The following IMPG1 variants were observed in gnomAD, a reference collection of about 807,000 sequenced individuals.
IMPG1 encodes the protein interphotoreceptor matrix proteoglycan of 150 kDa.
A neutral mutation model predicts 92.0 loss-of-function variants in IMPG1; 85 were observed. That is an observed-to-expected ratio of 0.92 (90% confidence interval 0.78 to 1.11). The LOEUF is 1.11. IMPG1 is among the 50% of genes least tolerant of loss of function. The pLI, the probability that IMPG1 is intolerant of heterozygous loss-of-function variation, is 0.00. For missense variants in IMPG1, 1,022 were observed against 956.0 expected, an observed-to-expected ratio of 1.07 and a Z score of -0.91; for synonymous variants, 367 against 334.1, an observed-to-expected ratio of 1.10 and a Z score of -1.08.
chr6:76,003,924 C>T lies in IMPG1; in HGVS notation c.1162G>A (p.Gly388Ser). 6.2e-7 allele frequency: 1 copy of T among 1,612,996 alleles called. No individual in the cohort carries two copies. The stretch of plus-strand genomic sequence containing the variant: ...GGCAGCTCTGATTGGGTGTCAGGAC[C>T]AAAGGCTGGCAGTGATCCAGCAATT... ...DEIAGSLPAFGPDTQSELPTS... is the reference protein window; with the variant it reads ...DEIAGSLPAFSPDTQSELPTS... The change falls in exon 11 of 17, where the codon GGT becomes AGT. Residue 388 changes from glycine (G) to serine (S), a missense_variant. Transcript: ENST00000369950.
intron 14 of IMPG1, among the ~76,000 whole-genome samples, chr6:75,938,149 G>A (rs190197842): frequency 2.6e-5 from 4 of 152,322 alleles, no homozygotes; most frequent in East Asian, 1.9e-4. Flanking sequence ...GGCACACCTA[G>A]TGCAGTAATA....
intron 4 of IMPG1, among the ~76,000 whole-genome samples, chr6:76,033,051 C>A (rs1783678025): frequency 6.6e-6 from 1 of 152,150 alleles, no homozygotes; most frequent in Non-Finnish European, 1.5e-5. Flanking sequence ...AGAGCAACCA[C>A]AAGGGAGAGT....
chr6:75,981,855 G>T (rs573466166), intron 12 of IMPG1, among the ~76,000 whole-genome samples: 2 of 152,270 alleles, frequency 1.3e-5, no homozygotes, highest in East Asian at 3.9e-4. Flanking sequence ...CAACTTTTTG[G>T]GGGACACTTT....
At chr6:75,958,988 A>G (rs1782172144) in intron 12 of IMPG1, among the ~76,000 whole-genome samples, 1 of 151,810 alleles carries the variant, frequency 6.6e-6, no homozygotes, top group African/African-American at 2.4e-5. Context: ...CCTTTTTTGC[A>G]CTGGTTTTTC....
At chr6:75,953,133 T>C (rs1438067417) in intron 12 of IMPG1, among the ~76,000 whole-genome samples, 2 of 152,186 alleles carry the variant, frequency 1.3e-5, no homozygotes, top group African/African-American at 4.8e-5. Context: ...ATGATAGATG[T>C]CTTCATTTTG....
At chr6:76,032,998 A>G (rs887968593) in intron 4 of IMPG1, among the ~76,000 whole-genome samples, 1 of 152,186 alleles carries the variant, frequency 6.6e-6, no homozygotes, top group African/African-American at 2.4e-5. Context: ...ACTTGTGCAA[A>G]GTTCACTAAA....
In IMPG1 at chr6:76,005,438, G is replaced by T; in HGVS notation, c.984C>A (p.Asn328Lys). Residue 328 changes from asparagine to lysine, a missense_variant, in exon 10 of 17, where the codon AAC (asparagine) becomes AAA (lysine). By Grantham distance (94) the Asn-to-Lys change is moderately conservative. This residue lies in a region of IMPG1 where 681 missense variants were observed against 583.6 expected (regional missense o/e 1.17). Transcript: ENST00000369950. The stretch of plus-strand genomic sequence containing the variant: ...GATAGACTTCCTCACTTTCAATTTT[G>T]TTGGAATCAAAAGACAGGAGGTCAC... ...PASDLLSFDSNKIESEEVYHG... is the reference protein window; with the variant it reads ...PASDLLSFDSKKIESEEVYHG... The T allele has an allele frequency of 6.2e-7, 1 of 1,613,956 alleles. No homozygotes were observed. Among genetic ancestry groups the T allele is most frequent in the South Asian group, 1.1e-5 (1 of 91,082 alleles).
At chr6:76,005,844 AT>A (rs552549267) in intron 9 of IMPG1, among the ~76,000 whole-genome samples, 13 of 135,688 alleles carry the variant, frequency 9.6e-5, no homozygotes, top group African/African-American at 1.1e-4. Context: ...TCTTTCTTTT[AT>A]TTTTTTTTTG....
intron 7 of IMPG1, among the ~76,000 whole-genome samples, chr6:76,013,049 C>G (rs899923244): frequency 1.3e-5 from 2 of 152,148 alleles, no homozygotes; most frequent in African/African-American, 4.8e-5. Flanking sequence ...ATCCCTACTC[C>G]TGCACTGCTG....
Position 76,022,154 on chromosome 6 carries a change from G to A in IMPG1, c.628C>T (p.Leu210Phe). Residue 210 changes from leucine (L) to phenylalanine (F), a missense_variant, in exon 6 of 17, where the codon CTC becomes TTC. Physicochemically the swap from Leu to Phe is conservative, Grantham distance 22. Coordinates refer to ENST00000369950, the MANE Select transcript of IMPG1 (RefSeq NM_001563.4). ...TPDDTLLNEI[L>F]DNTLNDTKMP... ...TTGGTGTCGTTGAGTGTATTATCGA[G>A]AATTTCATTGAGGAGGGTGTCATCA... The A allele has an allele frequency of 1.9e-6, 3 of 1,597,264 alleles. No individual in the cohort carries two copies. Among genetic ancestry groups the A allele is most frequent in the Non-Finnish European group, 2.6e-6 (3 of 1,168,196 alleles).
chr6:76,035,731 A>T (rs1361718212), intron 2 of IMPG1, among the ~76,000 whole-genome samples: 3 of 152,168 alleles, frequency 2.0e-5, no homozygotes, highest in Admixed American at 6.5e-5. Flanking sequence ...CCTCTTTGTT[A>T]GTACTTCCCT....
At chr6:76,008,104 A>T (rs1027940378) in intron 8 of IMPG1, among the ~76,000 whole-genome samples, 2 of 152,188 alleles carry the variant, frequency 1.3e-5, no homozygotes, top group African/African-American at 4.8e-5. Flanking sequence ...TGTACTAAAC[A>T]ATTTACATGC....
chr6:75,956,244 T>C (rs1228151131), intron 12 of IMPG1, among the ~76,000 whole-genome samples: 2 of 152,234 alleles, frequency 1.3e-5, no homozygotes, highest in South Asian at 2.1e-4. Context: ...TTCTTGTTGG[T>C]AGGTTATTAA....
chr6:75,983,103 C>T (rs1427106491), intron 12 of IMPG1, among the ~76,000 whole-genome samples: 2 of 151,820 alleles, frequency 1.3e-5, no homozygotes, highest in African/African-American at 2.4e-5. Flanking sequence ...TGGGAACTAT[C>T]TCAAATGATT....
Position 75,951,109 on chromosome 6 carries a change from C to A in IMPG1, c.1292-15G>T. The stretch of plus-strand genomic sequence containing the variant: ...CCAAGAAGTGTCTGTGGAGGAAGTA[C>A]AATTTCATTATGTCCAAGTATTCCC... On this transcript the variant is annotated splice_polypyrimidine_tract_variant and intron_variant, in intron 12 of 16. Transcript: ENST00000369950. 1 of 1,561,704 alleles carries A rather than the reference C, an allele frequency of 6.4e-7. No homozygotes were observed. The highest frequency in any genetic ancestry group is 8.7e-7 in the Non-Finnish European group (1 of 1,152,306).
At chr6:76,005,122 C>T (rs111675528) in intron 10 of IMPG1, among the ~76,000 whole-genome samples, 165 bp downstream of exon 10, 1 of 152,276 alleles carries the variant, frequency 6.6e-6, no homozygotes, top group African/African-American at 2.4e-5. Flanking sequence ...AAATGAGACA[C>T]AGGAAGGAGT....
intron 12 of IMPG1, among the ~76,000 whole-genome samples, chr6:75,966,570 C>T (rs1270393060): frequency 6.6e-6 from 1 of 152,154 alleles, no homozygotes; most frequent in African/African-American, 2.4e-5. Flanking sequence ...GCCTCCAGAA[C>T]TATAAGCAAT....
At chr6:75,968,177 T>G (rs1782342235) in intron 12 of IMPG1, among the ~76,000 whole-genome samples, 1 of 152,230 alleles carries the variant, frequency 6.6e-6, no homozygotes, top group Non-Finnish European at 1.5e-5. Flanking sequence ...AGACTACCAG[T>G]GTTCTGATAA....
intron 2 of IMPG1, among the ~76,000 whole-genome samples, chr6:76,038,310 T>C (rs1478557663): frequency 1.3e-5 from 2 of 152,244 alleles, no homozygotes; most frequent in Non-Finnish European, 2.9e-5. Flanking sequence ...TAGAGCATAA[T>C]GTCTGAAGTT....
Sources: gnomAD v4.1 joint callset for allele counts (sites outside exome capture counted in the v4.1 genomes callset) on GRCh38, gnomAD v4.1.1 for gene constraint, gnomAD v4.1.1 regional missense constraint, MANE v1.5 for transcripts, NCBI Gene and HGNC (gene_info 2026-07-23, HGNC 2026-07-21) for gene names.